EEIG1: variants seen among roughly 807,000 people sequenced by gnomAD.
EEIG1 encodes the protein early estrogen-induced gene 1 protein.
chr9:127,945,595 G>A, the EEIG1 span: 17 of 1,562,038 alleles, frequency 1.1e-5, no homozygotes, highest in Non-Finnish European at 1.5e-5. The surrounding 1 kb of genome is among the most constrained non-coding windows in gnomAD (Gnocchi z 6.5). Flanking sequence ...GCATCACAAT[G>A]GGGGATCCCG....
the EEIG1 span, among the ~76,000 whole-genome samples, chr9:127,949,827 G>A: frequency 6.6e-6 from 1 of 152,346 alleles, no homozygotes; most frequent in South Asian, 2.1e-4. Context: ...AGACATTTCT[G>A]TTCCCAAAAG....
chr9:127,975,432 G>T, the EEIG1 span, among the ~76,000 whole-genome samples: 5 of 152,164 alleles, frequency 3.3e-5, no homozygotes, highest in South Asian at 1.0e-3. Context: ...TTCTTGGACA[G>T]TCTGGCACCC....
chr9:127,961,960 G>A, the EEIG1 span, among the ~76,000 whole-genome samples: 1 of 152,220 alleles, frequency 6.6e-6, no homozygotes, highest in Non-Finnish European at 1.5e-5. Context: ...GAGCTGTATG[G>A]AGGGGCAGTC....
the EEIG1 span, among the ~76,000 whole-genome samples, chr9:127,978,798 C>A: frequency 6.6e-6 from 1 of 152,100 alleles, no homozygotes; most frequent in Non-Finnish European, 1.5e-5. Flanking sequence ...GATCACGCCA[C>A]TGCATTCCAG....
chr9:127,956,440 C>T, the EEIG1 span, among the ~76,000 whole-genome samples: 25 of 152,272 alleles, frequency 1.6e-4, no homozygotes, highest in South Asian at 4.6e-3. Flanking sequence ...GATGGAGTTT[C>T]GCTCTCGTTG....
At chr9:127,975,587 T>C in the EEIG1 span, among the ~76,000 whole-genome samples, 2 of 152,140 alleles carry the variant, frequency 1.3e-5, no homozygotes, top group Non-Finnish European at 2.9e-5. Flanking sequence ...CAGCTCCTCC[T>C]GTAAGTGGCC....
the EEIG1 span, among the ~76,000 whole-genome samples, chr9:127,966,357 C>A: frequency 3.3e-5 from 5 of 151,764 alleles, no homozygotes; most frequent in Non-Finnish European, 7.4e-5. Context: ...CCTGTAATCT[C>A]AGCTACTCAA....
At chr9:127,954,780 A>G in the EEIG1 span, among the ~76,000 whole-genome samples, 1 of 152,192 alleles carries the variant, frequency 6.6e-6, no homozygotes, top group Admixed American at 6.5e-5. Context: ...TGGGGGCTTC[A>G]GCTTCACCAA....
chr9:127,941,230 C>T, the EEIG1 span: 1 of 152,262 alleles, frequency 6.6e-6, no homozygotes, highest in Non-Finnish European at 1.5e-5. Flanking sequence ...CTGTCTCCTT[C>T]TGGGGTTCCT....
the EEIG1 span, chr9:127,943,595 G>C: frequency 3.5e-6 from 1 of 285,234 alleles, no homozygotes; most frequent in Admixed American, 4.8e-5. Context: ...CAGGAAACCT[G>C]GTCAGCTCCT....
chr9:127,972,380 G>A, the EEIG1 span, among the ~76,000 whole-genome samples: 2 of 152,164 alleles, frequency 1.3e-5, no homozygotes, highest in Non-Finnish European at 2.9e-5. The surrounding 1 kb of genome is among the most constrained non-coding windows in gnomAD (Gnocchi z 4.3). Flanking sequence ...GAGTGCCAGC[G>A]GCCATGCAGG....
At chr9:127,964,179 T>A in the EEIG1 span, among the ~76,000 whole-genome samples, 1 of 152,118 alleles carries the variant, frequency 6.6e-6, no homozygotes, top group Non-Finnish European at 1.5e-5. Context: ...AACTTCCTCA[T>A]CTGTAAAAGG....
chr9:127,956,599 C>T, the EEIG1 span, among the ~76,000 whole-genome samples: 8 of 152,102 alleles, frequency 5.3e-5, no homozygotes, highest in Admixed American at 2.0e-4. Flanking sequence ...TTGGTAGAGA[C>T]GGGGTTTCAC....
chr9:127,973,115 T>C, the EEIG1 span, among the ~76,000 whole-genome samples: 1 of 152,108 alleles, frequency 6.6e-6, no homozygotes, highest in African/African-American at 2.4e-5. The surrounding 1 kb of genome is among the most constrained non-coding windows in gnomAD (Gnocchi z 4.2). Context: ...CCTGGTAAGA[T>C]GAGGATACAT....
At chr9:127,955,221 G>A in the EEIG1 span, among the ~76,000 whole-genome samples, 26 of 152,218 alleles carry the variant, frequency 1.7e-4, no homozygotes, top group African/African-American at 6.3e-4. Context: ...GGTCGGAGAG[G>A]GCCGCAGCCA....
At chr9:127,964,205 C>T in the EEIG1 span, among the ~76,000 whole-genome samples, 1 of 152,222 alleles carries the variant, frequency 6.6e-6, no homozygotes, top group Non-Finnish European at 1.5e-5. Context: ...TTACCCATCA[C>T]ATGGGGCTGT....
At chr9:127,946,115 G>A in the EEIG1 span, among the ~76,000 whole-genome samples, 174 of 152,322 alleles carry the variant, frequency 1.1e-3, 1 homozygote, top group Middle Eastern at 6.8e-3. Context: ...CCAAGGAGAC[G>A]GCCTTAATGG....
the EEIG1 span, among the ~76,000 whole-genome samples, chr9:127,966,443 G>GAA: frequency 5.4e-5 from 6 of 111,110 alleles, no homozygotes; most frequent in South Asian, 2.9e-4. Flanking sequence ...CCCCATCTCC[G>GAA]AAAAAAAAAA....
the EEIG1 span, chr9:127,950,489 C>T: frequency 1.3e-5 from 21 of 1,613,990 alleles, no homozygotes; most frequent in Admixed American, 1.3e-4. Context: ...AGCAGCGCAC[C>T]GTGGAGCCCG....
Sources: allele counts gnomAD v4.1 joint callset (sites outside exome capture counted in the v4.1 genomes callset), GRCh38; gene constraint gnomAD v4.1.1; non-coding constraint Gnocchi (gnomAD v3.1); transcripts MANE v1.5; gene names NCBI Gene and HGNC (gene_info 2026-07-23, HGNC 2026-07-21).